The following TRMT9B variants were observed in gnomAD, a reference collection of about 807,000 sequenced individuals.
The protein encoded by TRMT9B is tRNA methyltransferase 9B (putative).
A neutral mutation model predicts 11.5 loss-of-function variants in TRMT9B; 16 were observed. That is an observed-to-expected ratio of 1.39 (90% confidence interval 0.94 to 2.11). The LOEUF (loss-of-function observed/expected upper bound fraction) is 2.11. Among genes scored for constraint, TRMT9B ranks in the 30% most tolerant of loss-of-function variants. The pLI, the probability that TRMT9B is intolerant of heterozygous loss-of-function variation, is 0.00. For missense variants in TRMT9B, 941 were observed against 553.8 expected, an observed-to-expected ratio of 1.70 and a Z score of -7.02; for synonymous variants, 274 against 192.4, an observed-to-expected ratio of 1.42 and a Z score of -3.51.
At position 13,024,987 on chromosome 8, in the gene TRMT9B, C is replaced by T. The variant is rs575745048; in HGVS notation, c.*2943C>T. ...AAGCTTGCTTGTCCTCGAAAGGAAA[C>T]ACAGGTCATCAGTGAGTATAAACGT... is the stretch of plus-strand genomic sequence containing the variant. On this transcript the variant is annotated 3_prime_UTR_variant, in exon 5 of 5. Transcript: ENST00000524591. 4 of 167,146 alleles carry T rather than the reference C, an allele frequency of 2.4e-5. No individual in the cohort carries two copies. The highest frequency in any genetic ancestry group is 9.6e-5 in the African/African-American group (4 of 41,552). The allele number at this position is 167,146 out of a possible 1,614,324, so 10.4% of individuals were successfully genotyped here.
At chr8:12,998,635 A>G (rs1225251887) in intron 2 of TRMT9B, among the ~76,000 whole-genome samples, 1 of 152,240 alleles carries the variant, frequency 6.6e-6, no homozygotes, top group Non-Finnish European at 1.5e-5. Context: ...ACATTTAGTT[A>G]TAGCACCTCC....
intron 1 of TRMT9B, among the ~76,000 whole-genome samples, chr8:12,952,876 A>C (rs1341937652): frequency 6.6e-6 from 1 of 152,054 alleles, no homozygotes; most frequent in Non-Finnish European, 1.5e-5. Flanking sequence ...AGTAGCTGGG[A>C]TTACAGGCAA....
At chr8:12,949,283 C>T (rs1156929207) in intron 1 of TRMT9B, among the ~76,000 whole-genome samples, 1 of 151,880 alleles carries the variant, frequency 6.6e-6, no homozygotes, top group Non-Finnish European at 1.5e-5. Flanking sequence ...AAACGTTAAA[C>T]CTCACAAATA....
chr8:13,028,008 C>A lies in TRMT9B; in HGVS notation c.*5964C>A, dbSNP rs1285168739. On this transcript the variant is annotated 3_prime_UTR_variant, in exon 5 of 5. Transcript: ENST00000524591. ...CCAAACAAGGATTGAAATTGTATTG[C>A]AAATGAAAGAGCTCAGCATGAGAGC... 1 of 166,858 alleles carries A rather than the reference C, an allele frequency of 6.0e-6. No individual in the cohort carries two copies. Among genetic ancestry groups the A allele is most frequent in the Non-Finnish European group, 1.5e-5 (1 of 68,100 alleles). 10.3% of individuals were successfully genotyped at this position (166,858 alleles called of 1,614,324 possible).
rs375223632 is a variant in TRMT9B, at chr8:13,012,736, C to G, written c.207C>G (p.Gly69=). 1.9e-6 allele frequency: 3 copies of G among 1,613,830 alleles called. No homozygotes were observed. The highest frequency in any genetic ancestry group is 2.5e-6 in the Non-Finnish European group (3 of 1,179,878). The change falls in exon 4 of 5, where the codon GGC becomes GGG. Residue 69 remains glycine, a synonymous_variant. Coordinates refer to ENST00000524591, the MANE Select transcript of TRMT9B (RefSeq NM_020844.3). The stretch of plus-strand genomic sequence containing the variant: ...TGAACAGCCAGGTACATACCGTGGG[C>G]TGTGACTACTGTGGGCCACTGGTAG... ...LKVNSQVHTV[G]CDYCGPLVEI...
chr8:12,999,904 C>G (rs1285629154), intron 2 of TRMT9B, among the ~76,000 whole-genome samples: 2 of 152,102 alleles, frequency 1.3e-5, no homozygotes, highest in Non-Finnish European at 2.9e-5. Context: ...TAATATATCT[C>G]TACGAGAAAG....
At chr8:13,018,156 C>G (rs1056662449) in intron 4 of TRMT9B, among the ~76,000 whole-genome samples, 1 of 148,132 alleles carries the variant, frequency 6.8e-6, no homozygotes, top group African/African-American at 2.5e-5. Context: ...AATCCCAGCA[C>G]TTTGGGAGGC....
chr8:12,974,362 G>T (rs145908410), intron 1 of TRMT9B, among the ~76,000 whole-genome samples: 2 of 152,218 alleles, frequency 1.3e-5, no homozygotes, highest in African/African-American at 4.8e-5. Flanking sequence ...GTTTCAAATG[G>T]TGATGAAACG....
chr8:12,973,164 T>C (rs544517726), intron 1 of TRMT9B, among the ~76,000 whole-genome samples: 2 of 152,354 alleles, frequency 1.3e-5, no homozygotes, highest in East Asian at 1.9e-4. Flanking sequence ...TGTGTCAGAA[T>C]TGCATTGCTT....
intron 4 of TRMT9B, among the ~76,000 whole-genome samples, chr8:13,018,810 T>C (rs1469026903): frequency 6.6e-6 from 1 of 152,166 alleles, no homozygotes; most frequent in Non-Finnish European, 1.5e-5. Flanking sequence ...ATTTTCTCCA[T>C]AAGGTGCATC....
chr8:12,967,830 T>C (rs533352933), intron 1 of TRMT9B, among the ~76,000 whole-genome samples: 3 of 152,378 alleles, frequency 2.0e-5, no homozygotes, highest in South Asian at 4.1e-4. Flanking sequence ...AATTTTCCCA[T>C]GTCTTTGGAC....
Position 12,990,698 on chromosome 8 carries a change from C to T in TRMT9B, c.-199-136C>T, listed in dbSNP as rs185710535. The stretch of plus-strand genomic sequence containing the variant: ...CTGCTCTTATAATTCTGGCACACTC[C>T]ACATATTAACAATTCTTTCTAATCC... On this transcript the variant is annotated intron_variant, in intron 1 of 4. Transcript: ENST00000524591. 2.0e-5 allele frequency: 6 copies of T among 300,052 alleles called. No homozygotes were observed. In the East Asian group the frequency reaches 3.5e-4, roughly 17 times the overall value. The allele number at this position is 300,052 out of a possible 1,614,324, so 18.6% of individuals were successfully genotyped here.
At position 13,022,596 on chromosome 8, in the gene TRMT9B, A is replaced by C. The variant is rs472347; in HGVS notation, c.*552A>C. ...GAAAACTGAGTGACAGTGGAGAGAA[A>C]CAAGAAGTTTTACAAGGACTTTACT... is the stretch of plus-strand genomic sequence containing the variant. On this transcript the variant is annotated 3_prime_UTR_variant, in exon 5 of 5. Coordinates refer to ENST00000524591, the MANE Select transcript of TRMT9B (RefSeq NM_020844.3). The C allele has an allele frequency of 0.74, 124,030 of 166,992 alleles. 46,644 individuals carry two copies. The highest frequency in any genetic ancestry group is 0.8 in the Non-Finnish European group (54,382 of 68,110). The allele number at this position is 166,992 out of a possible 1,614,324, so 10.3% of individuals were successfully genotyped here. A position where few individuals can be genotyped will look rare whatever the true frequency, so the allele number is the denominator to read the frequency against.
chr8:12,961,716 AAAG>A (rs1240909371), intron 1 of TRMT9B: 7,983 of 145,850 alleles, frequency 0.055, 326 homozygotes, highest in African/African-American at 0.091. Flanking sequence ...AAAAAAAAAA[AAAG>A]AAAGAAGAAA....
intron 1 of TRMT9B, among the ~76,000 whole-genome samples, chr8:12,984,275 G>A (rs973715987): frequency 1.3e-5 from 2 of 152,108 alleles, no homozygotes; most frequent in Non-Finnish European, 2.9e-5. Context: ...TCCAAAATAC[G>A]AAACACTTCT....
chr8:13,017,483 C>T (rs994464197), intron 4 of TRMT9B, among the ~76,000 whole-genome samples: 3 of 152,054 alleles, frequency 2.0e-5, no homozygotes, highest in African/African-American at 7.2e-5. Flanking sequence ...ACATAGTTTC[C>T]AGACATTGAT....
Position 13,021,236 on chromosome 8 carries a change from G to C in TRMT9B, c.557G>C (p.Arg186Thr), listed in dbSNP as rs375986800. Residue 186 changes from arginine (R) to threonine (T), a missense_variant, in exon 5 of 5, where the codon AGA (arginine) becomes ACA (threonine). By Grantham distance (71) the Arg-to-Thr change is moderately conservative. Coordinates refer to ENST00000524591, the MANE Select transcript of TRMT9B (RefSeq NM_020844.3). ...GRKRQCGYPE[R>T]GHPYHPPCSE... ...AAGAGGCAGTGTGGATACCCAGAAAGAGGCCATCCCTACCATCCTCCTTGC... is the reference window on the plus strand; with the variant it reads ...AAGAGGCAGTGTGGATACCCAGAAACAGGCCATCCCTACCATCCTCCTTGC... The C allele has an allele frequency of 8.7e-6, 14 of 1,613,832 alleles. No individual in the cohort carries two copies. The African/African-American group carries it at 1.6e-4, about 18-fold the overall frequency.
chr8:13,016,098 A>G (rs1210322675), intron 4 of TRMT9B, among the ~76,000 whole-genome samples: 1 of 143,712 alleles, frequency 7.0e-6, no homozygotes, highest in Non-Finnish European at 1.5e-5. Context: ...ATATGGGTAT[A>G]TATATATGAT....
chr8:13,008,656 A>G (rs1810955447), intron 3 of TRMT9B, among the ~76,000 whole-genome samples: 1 of 152,256 alleles, frequency 6.6e-6, no homozygotes, highest in Non-Finnish European at 1.5e-5. Flanking sequence ...CTAGACAGAC[A>G]TACAATTCAA....
Sources: gnomAD v4.1 joint callset for allele counts (sites outside exome capture counted in the v4.1 genomes callset) on GRCh38, gnomAD v4.1.1 for gene constraint, MANE v1.5 for transcripts, NCBI Gene and HGNC (gene_info 2026-07-23, HGNC 2026-07-21) for gene names.